Variants in MEGF11 observed in about 807,000 individuals in gnomAD.
MEGF11 encodes the protein multiple epidermal growth factor-like domains protein 11.
Under a neutral mutation model 146.6 loss-of-function variants are expected in MEGF11, and 126 were observed. That is an observed-to-expected ratio of 0.86 (90% confidence interval 0.74 to 1.00). The LOEUF (loss-of-function observed/expected upper bound fraction) is 1.00, where lower values mean the gene tolerates loss of function less well. Ranked by LOEUF, MEGF11 falls within the 50% of genes least tolerant of loss-of-function variation. The probability of loss-of-function intolerance (pLI) is 0.00; values close to 1 mark genes in which losing one functional copy is unlikely to be tolerated. For synonymous variants in MEGF11, 532 were observed against 583.4 expected (o/e 0.91, Z 1.27); for missense variants, 1,509 against 1,521.2 (o/e 0.99, Z 0.13).
At chr15:65,990,719 GA>G (rs199516645) in intron 5 of MEGF11, among the ~76,000 whole-genome samples, 56 of 150,436 alleles carry the variant, frequency 3.7e-4, no homozygotes, top group African/African-American at 1.3e-3. Flanking sequence ...AAGGAAGAAA[GA>G]AAGAAAGAAA....
At chr15:65,938,650 G>A (rs552618811) in intron 10 of MEGF11, among the ~76,000 whole-genome samples, 104 of 152,270 alleles carry the variant, frequency 6.8e-4, no homozygotes, top group Non-Finnish European at 1.2e-3. Context: ...CAGAATGAAT[G>A]TGAACCCTTC....
At chr15:66,064,865 T>G (rs111520096) in intron 5 of MEGF11, among the ~76,000 whole-genome samples, 3 of 152,150 alleles carry the variant, frequency 2.0e-5, no homozygotes, top group Admixed American at 1.3e-4. Flanking sequence ...TTAAGTGCTA[T>G]TGTTCCATCA....
At chr15:66,130,736 G>GGAAGGAAGGAAGGAAA (rs2088611799) in intron 1 of MEGF11, among the ~76,000 whole-genome samples, 2 of 151,732 alleles carry the variant, frequency 1.3e-5, no homozygotes, top group Non-Finnish European at 2.9e-5. Flanking sequence ...GAGGGAGGAA[G>GGAAGGAAGGAAGGAAA]GAAGGAAGGA....
intron 6 of MEGF11, among the ~76,000 whole-genome samples, chr15:65,981,115 T>C (rs2081623647): frequency 6.6e-6 from 1 of 151,964 alleles, no homozygotes. Context: ...ACTTGTGGGA[T>C]GACTTAAGTG....
intron 3 of MEGF11, among the ~76,000 whole-genome samples, chr15:66,119,915 T>A (rs1404554495): frequency 6.6e-6 from 1 of 152,198 alleles, no homozygotes; most frequent in Non-Finnish European, 1.5e-5. Flanking sequence ...ATGATCAACA[T>A]CTCATTCCAT....
intron 1 of MEGF11, among the ~76,000 whole-genome samples, chr15:66,153,665 T>C (rs1450931461): frequency 6.6e-6 from 1 of 152,216 alleles, no homozygotes; most frequent in Non-Finnish European, 1.5e-5. Flanking sequence ...TTGGCCCTCA[T>C]ACCTGACACC....
chr15:66,069,878 C>T (rs1039378565), intron 5 of MEGF11, among the ~76,000 whole-genome samples: 3 of 152,218 alleles, frequency 2.0e-5, no homozygotes, highest in African/African-American at 7.2e-5. Context: ...AGTGAGAAAG[C>T]AGTCACAGGC....
chr15:66,199,855 A>C (rs1038616882), intron 1 of MEGF11, among the ~76,000 whole-genome samples: 2 of 152,220 alleles, frequency 1.3e-5, no homozygotes, highest in Non-Finnish European at 2.9e-5. Flanking sequence ...TTGAAATATT[A>C]CATAATATAG....
At chr15:66,216,764 G>C (rs12439092) in intron 1 of MEGF11, among the ~76,000 whole-genome samples, 54,235 of 152,092 alleles carry the variant, frequency 0.36, 11,192 homozygotes, top group East Asian at 0.56. Context: ...GAGGAGGAGG[G>C]ATATGTTGAA....
rs193210065 is a variant in MEGF11 at position 66,029,067 on chromosome 15, G to A, written c.395-46579C>T. ...AATCCATCCCTGTCTGTATCCCAGAGTATCTTGAGAGAGATGCTCAAATGA... is the reference window on the plus strand; with the variant it reads ...AATCCATCCCTGTCTGTATCCCAGAATATCTTGAGAGAGATGCTCAAATGA... On this transcript the variant is annotated intron_variant, in intron 5 of 25. Coordinates refer to ENST00000395614, the MANE Select transcript of MEGF11 (RefSeq NM_001385028.1). Among the ~76,000 whole-genome samples the A allele has an allele frequency of 1.5e-3, 230 of 152,330 alleles. 3 individuals carry two copies. The highest frequency in any genetic ancestry group is 5.4e-3 in the African/African-American group (226 of 41,572).
rs963426302 is a variant in MEGF11, at chr15:65,896,963, G to A, written c.*971C>T. On this transcript the variant is annotated 3_prime_UTR_variant, in exon 26 of 26. Coordinates refer to ENST00000395614, the MANE Select transcript of MEGF11 (RefSeq NM_001385028.1). ...TGTATACTTTTAGGTTTCATACTAC[G>A]TCAATCTCAAGATTTATGAAGAACT... The A allele has an allele frequency of 2.0e-5, 3 of 152,088 alleles. No individual in the cohort carries two copies. The highest frequency in any genetic ancestry group is 4.4e-5 in the Non-Finnish European group (3 of 68,012). 9.4% of individuals were successfully genotyped at this position (152,088 alleles called of 1,614,324 possible).
At chr15:66,203,182 T>C (rs1567282504) in intron 1 of MEGF11, among the ~76,000 whole-genome samples, 1 of 152,104 alleles carries the variant, frequency 6.6e-6, no homozygotes. Flanking sequence ...TGCCTGAGCC[T>C]GCGCACTCAG....
chr15:66,235,665 A>G (rs1028511999), intron 1 of MEGF11, among the ~76,000 whole-genome samples: 3 of 152,092 alleles, frequency 2.0e-5, no homozygotes, highest in African/African-American at 4.8e-5. Flanking sequence ...AAAACCCTCC[A>G]GGCACTCAGA....
At chr15:66,058,514 G>T (rs2084771750) in intron 5 of MEGF11, among the ~76,000 whole-genome samples, 1 of 152,180 alleles carries the variant, frequency 6.6e-6, no homozygotes, top group Non-Finnish European at 1.5e-5. Context: ...TTTGGGCTGG[G>T]CCCCGGAGCA....
chr15:66,210,779 G>A lies in MEGF11; in HGVS notation c.-9+42826C>T, dbSNP rs536042444. ...ACCGCAGTATGTCCTCCTCTCAGGA[G>A]CAGGAAGCACATTAGAATGAAAGGC... On this transcript the variant is annotated intron_variant, in intron 1 of 25. Coordinates refer to ENST00000395614, the MANE Select transcript of MEGF11 (RefSeq NM_001385028.1). Among the ~76,000 whole-genome samples the A allele has an allele frequency of 5.9e-5, 9 of 152,310 alleles. No homozygotes were observed. The South Asian group carries it at 1.0e-3, about 18-fold the overall frequency.
chr15:66,107,961 C>A (rs762346879), intron 4 of MEGF11, among the ~76,000 whole-genome samples: 4 of 145,890 alleles, frequency 2.7e-5, no homozygotes, highest in Non-Finnish European at 4.4e-5. Context: ...AAGACAGGGC[C>A]GGGGCTGGGT....
At chr15:66,009,975 A>T (rs2082658061) in intron 5 of MEGF11, among the ~76,000 whole-genome samples, 1 of 152,110 alleles carries the variant, frequency 6.6e-6, no homozygotes, top group East Asian at 1.9e-4. Flanking sequence ...ATTTCAGAAA[A>T]TATTTTTTAG....
Position 65,898,466 on chromosome 15 carries a change from CGTGCAT to C in MEGF11, c.3262+256_3262+261del, listed in dbSNP as rs1368349281. The C allele has an allele frequency of 1.2e-5, 12 of 985,160 alleles. No individual in the cohort carries two copies. In the African/African-American group the frequency reaches 2.1e-4, roughly 17 times the overall value. 61.0% of individuals were successfully genotyped at this position (985,160 alleles called of 1,614,324 possible). On this transcript the variant is annotated intron_variant, in intron 25 of 25. Transcript: ENST00000395614. ...CTGTGTGTGTGTGTGCGCGCGTGCA[CGTGCAT>C]GTGCCCATTTCCCACCCCCAGTATT... is the stretch of plus-strand genomic sequence containing the variant.
intron 2 of MEGF11, among the ~76,000 whole-genome samples, chr15:66,127,861 G>T (rs2088444429): frequency 6.6e-6 from 1 of 152,166 alleles, no homozygotes; most frequent in Non-Finnish European, 1.5e-5. Flanking sequence ...GTCCTCCTCA[G>T]GGCAGGCTGC....
Sources: gnomAD v4.1 joint callset for allele counts (sites outside exome capture counted in the v4.1 genomes callset) on GRCh38, gnomAD v4.1.1 for gene constraint, MANE v1.5 for transcripts, NCBI Gene and HGNC (gene_info 2026-07-23, HGNC 2026-07-21) for gene names.